CYTH4: variants seen among roughly 807,000 people sequenced by gnomAD.
CYTH4 encodes the protein cytohesin 4.
A neutral mutation model predicts 57.5 loss-of-function variants in CYTH4; 22 were observed. That is an observed-to-expected ratio of 0.38 (90% CI 0.27 to 0.55). CYTH4 has a LOEUF of 0.55. Among genes scored for constraint, CYTH4 ranks in the 20% least tolerant of loss-of-function variants. The pLI, the probability that CYTH4 is intolerant of heterozygous loss-of-function variation, is 0.74. For synonymous variants in CYTH4, 186 were observed against 206.5 expected (o/e 0.90, Z 0.85); for missense variants, 420 against 535.6 (o/e 0.78, Z 2.13).
Position 37,295,318 on chromosome 22 carries a change from C to T in CYTH4, c.167+594C>T, listed in dbSNP as rs1355616222. Among the ~76,000 whole-genome samples, 1 of 151,368 alleles carries T rather than the reference C, an allele frequency of 6.6e-6. No individual in the cohort carries two copies. Among genetic ancestry groups the T allele is most frequent in the Non-Finnish European group, 1.5e-5 (1 of 67,770 alleles). On this transcript the variant is annotated intron_variant, in intron 3 of 12. Transcript: ENST00000248901. The surrounding 1 kb of genome is among the most constrained non-coding windows in gnomAD (Gnocchi z 4.1). ...GATGTCCTGGCAATTTCCCATCCTG[C>T]GCCCGCCACTCCTTAGGTCTCCACC...
intron 9 of CYTH4, chr22:37,310,154 G>T (rs1929588270): frequency 2.8e-6 from 1 of 356,404 alleles, no homozygotes; most frequent in Middle Eastern, 4.2e-4. Context: ...ACCCCCAGGA[G>T]CCCATGAGCC....
At chr22:37,300,282 T>G in intron 6 of CYTH4, 1 of 714,178 alleles carries the variant, frequency 1.4e-6, no homozygotes, top group Non-Finnish European at 2.6e-6. Context: ...GTAGGTGACT[T>G]GGGAGTCTCC....
rs140357618 is a variant in CYTH4 at position 37,300,059 on chromosome 22, C to CA, written c.434+755dup. On this transcript the variant is annotated intron_variant, in intron 6 of 12. Coordinates refer to ENST00000248901, the MANE Select transcript of CYTH4 (RefSeq NM_013385.5). ...CGTAGAATGGGGATAATAATAGTAC[C>CA]AACTTCACAGGGTTGTGAAGACTAA... 3,724 of 717,388 alleles carry CA rather than the reference C, an allele frequency of 5.2e-3. 99 individuals are homozygous for CA. The African/African-American group carries it at 0.057, about 11-fold the overall frequency. The allele number at this position is 717,388 out of a possible 1,614,324, so 44.4% of individuals were successfully genotyped here.
chr22:37,302,687 T>C (rs1413576149), intron 7 of CYTH4, among the ~76,000 whole-genome samples: 1 of 152,120 alleles, frequency 6.6e-6, no homozygotes, highest in African/African-American at 2.4e-5. Flanking sequence ...AGGGCCCAAA[T>C]ACTCGACAAA....
In CYTH4 at chr22:37,294,706, T is replaced by A; in HGVS notation, c.149T>A (p.Phe50Tyr). Residue 50 changes from phenylalanine to tyrosine, a missense_variant, in exon 3 of 13, where the codon TTC (phenylalanine) becomes TAC (tyrosine). By Grantham distance (22) the Phe-to-Tyr change is conservative. Coordinates refer to ENST00000248901, the MANE Select transcript of CYTH4 (RefSeq NM_013385.5). ...IADVFAQIDC[F>Y]ESAEESRMAQ... ...GATGTGTTTGCCCAAATCGACTGCT[T>A]CGAGAGTGCGGAGGAGAGGTGAGGG... is the stretch of plus-strand genomic sequence containing the variant. The A allele has an allele frequency of 6.2e-7, 1 of 1,613,682 alleles. No individual in the cohort carries two copies. The highest frequency in any genetic ancestry group is 8.5e-7 in the Non-Finnish European group (1 of 1,179,772).
chr22:37,300,920 A>C lies in CYTH4; in HGVS notation c.448A>C (p.Ser150Arg), dbSNP rs1303518930. 9.3e-6 allele frequency: 15 copies of C among 1,613,958 alleles called. No individual in the cohort carries two copies. Among genetic ancestry groups the C allele is most frequent in the South Asian group, 8.8e-5 (8 of 91,072 alleles). Reference protein sequence around the residue: ...LVQALRQFLWSFRLPGEAQKI... With the variant: ...LVQALRQFLWRFRLPGEAQKI... ...TTTCTCCCCCAGGCAGTTCCTGTGG[A>C]GCTTCCGGCTGCCGGGCGAGGCCCA... The change falls in exon 7 of 13, where the codon AGC (serine) becomes CGC (arginine). Residue 150 changes from serine to arginine, a missense_variant. Physicochemically the swap from Ser to Arg is moderately radical, Grantham distance 110 (BLOSUM62 -1). Transcript: ENST00000248901.
At chr22:37,300,316 AT>A (rs1929133942) in intron 6 of CYTH4, 1 of 704,576 alleles carries the variant, frequency 1.4e-6, no homozygotes, top group Admixed American at 2.0e-5. Flanking sequence ...TCATTCATTC[AT>A]TCACATATTC....
intron 8 of CYTH4, chr22:37,304,165 C>A (rs1444968451): frequency 2.2e-6 from 1 of 456,552 alleles, no homozygotes; most frequent in African/African-American, 2.0e-5. Context: ...TGAACTGGGC[C>A]TTGAAGGTTA....
intron 1 of CYTH4, among the ~76,000 whole-genome samples, chr22:37,285,435 G>A (rs970562015): frequency 1.3e-5 from 2 of 152,172 alleles, no homozygotes; most frequent in Admixed American, 6.5e-5. Context: ...GCCAGGCATG[G>A]TGGCTCACAT....
At chr22:37,297,786 T>A in intron 5 of CYTH4, 104 bp downstream of exon 5, 1 of 964,846 alleles carries the variant, frequency 1.0e-6, no homozygotes, top group Non-Finnish European at 1.6e-6. Flanking sequence ...AGCAAAGTCA[T>A]CACTCCTAGT....
intron 8 of CYTH4, among the ~76,000 whole-genome samples, chr22:37,304,626 T>C (rs1929330397): frequency 6.6e-6 from 1 of 152,132 alleles, no homozygotes; most frequent in African/African-American, 2.4e-5. Flanking sequence ...TCTGGAATGA[T>C]TCTGGTGCCC....
At chr22:37,290,179 T>G (rs1429183132) in intron 1 of CYTH4, among the ~76,000 whole-genome samples, 1 of 152,158 alleles carries the variant, frequency 6.6e-6, no homozygotes, top group Non-Finnish European at 1.5e-5. Flanking sequence ...CTGGAAGGAC[T>G]TCATTTACCA....
rs1928517693 is a variant in CYTH4 at position 37,285,390 on chromosome 22, T to G, written c.19+2802T>G. Among the ~76,000 whole-genome samples, 4 of 152,160 alleles carry G rather than the reference T, an allele frequency of 2.6e-5. No individual in the cohort carries two copies. In the South Asian group the frequency reaches 8.3e-4, roughly 32 times the overall value. ...GGTGGTGGTAATTTTATTATTTGTG[T>G]GTATTATTATTAGTATTTAAAAATT... On this transcript the variant is annotated intron_variant, in intron 1 of 12. Transcript: ENST00000248901.
At chr22:37,307,916 C>T (rs56272035) in intron 8 of CYTH4, among the ~76,000 whole-genome samples, 1,585 of 152,302 alleles carry the variant, frequency 0.01, 9 homozygotes, top group Non-Finnish European at 0.015. Flanking sequence ...ACAGGGAACT[C>T]GCAGACCTGG....
chr22:37,287,638 G>A (rs1928603797), intron 1 of CYTH4, among the ~76,000 whole-genome samples: 1 of 151,946 alleles, frequency 6.6e-6, no homozygotes, highest in Non-Finnish European at 1.5e-5. Context: ...CTCCACACAG[G>A]TGGCCCCTTA....
Position 37,311,374 on chromosome 22 carries a change from G to C in CYTH4, c.886-82G>C. Reference sequence around the variant, plus strand: ...ATGAGCACGCTCCTCTTTGAGTTTGGGGAACCCCACACGTTCACACCCTGC... The same window carrying C: ...ATGAGCACGCTCCTCTTTGAGTTTGCGGAACCCCACACGTTCACACCCTGC... On this transcript the variant is annotated intron_variant, in intron 10 of 12. Coordinates refer to ENST00000248901, the MANE Select transcript of CYTH4 (RefSeq NM_013385.5). This position sits in a 1 kb window ranked among gnomAD's most constrained non-coding sequence, Gnocchi z 4.4. 2 of 1,256,192 alleles carry C rather than the reference G, an allele frequency of 1.6e-6. No homozygotes were observed. Among genetic ancestry groups the C allele is most frequent in the Non-Finnish European group, 1.2e-6 (1 of 860,406 alleles). 77.8% of individuals were successfully genotyped at this position (1,256,192 alleles called of 1,614,324 possible). A position where few individuals can be genotyped will look rare whatever the true frequency, so the allele number is the denominator to read the frequency against.
rs16998080 is a variant in CYTH4, at chr22:37,313,938, G to A, written c.*427G>A. 1 of 237,430 alleles carries A rather than the reference G, an allele frequency of 4.2e-6. No homozygotes were observed. The highest frequency in any genetic ancestry group is 2.2e-5 in the African/African-American group (1 of 44,618). 14.7% of individuals were successfully genotyped at this position (237,430 alleles called of 1,614,324 possible). On this transcript the variant is annotated 3_prime_UTR_variant, in exon 13 of 13. Transcript: ENST00000248901. ...CCTAAGTGATTCTTCTCCCTGGCAA[G>A]GCTCTTCCTTTTCAGGGATATCTCT...
chr22:37,294,940 C>T (rs1928898288), intron 3 of CYTH4, among the ~76,000 whole-genome samples: 1 of 152,194 alleles, frequency 6.6e-6, no homozygotes, highest in African/African-American at 2.4e-5. Flanking sequence ...TCTTGAGAGA[C>T]ACTGCGTCCT....
intron 1 of CYTH4, among the ~76,000 whole-genome samples, chr22:37,286,461 T>C (rs1178195742): frequency 6.6e-6 from 1 of 152,066 alleles, no homozygotes; most frequent in Non-Finnish European, 1.5e-5. Flanking sequence ...TGGCGCACCA[T>C]GGGTGCTCAG....
Sources: gnomAD v4.1 joint callset for allele counts (sites outside exome capture counted in the v4.1 genomes callset) on GRCh38, gnomAD v4.1.1 for gene constraint, Gnocchi (gnomAD v3.1) non-coding constraint, MANE v1.5 for transcripts, NCBI Gene and HGNC (gene_info 2026-07-23, HGNC 2026-07-21) for gene names.